GNAO1: variants seen among roughly 807,000 people sequenced by gnomAD.
GNAO1 encodes the protein G protein subunit alpha o1.
For synonymous variants in GNAO1, 164 were observed against 180.7 expected (o/e 0.91, Z 0.74); for missense variants, 166 against 478.7 (o/e 0.35, Z 6.10).
intron 4 of GNAO1, among the ~76,000 whole-genome samples, chr16:56,333,277 A>C (rs1292590142): frequency 6.7e-6 from 1 of 149,038 alleles, no homozygotes; most frequent in African/African-American, 2.5e-5. Flanking sequence ...CAGTGGCACG[A>C]TCTCAACTCA....
At chr16:56,279,420 A>C (rs1436304783) in intron 3 of GNAO1, among the ~76,000 whole-genome samples, 1 of 152,056 alleles carries the variant, frequency 6.6e-6, no homozygotes, top group Non-Finnish European at 1.5e-5. Context: ...TGTGGTTTCC[A>C]CACCCCAGGC....
intron 2 of GNAO1, chr16:56,194,632 C>CT (rs1308757691): frequency 5.6e-6 from 1 of 177,392 alleles, no homozygotes; most frequent in Non-Finnish European, 1.2e-5. Flanking sequence ...AGCCGAGCCG[C>CT]TTCGGAGGGG....
At chr16:56,348,070 A>G (rs113597396) in intron 6 of GNAO1, 20 of 963,026 alleles carry the variant, frequency 2.1e-5, no homozygotes, top group Middle Eastern at 5.3e-4. Context: ...TGCCCACCCC[A>G]TATTAACTGT....
At chr16:56,273,885 G>A (rs145492592) in intron 2 of GNAO1, among the ~76,000 whole-genome samples, 199 of 152,268 alleles carry the variant, frequency 1.3e-3, no homozygotes, top group Middle Eastern at 0.01. Context: ...TCTGGGAAGC[G>A]TTCAACTGAT....
chr16:56,206,186 G>A (rs367897833), intron 2 of GNAO1, among the ~76,000 whole-genome samples: 1 of 152,076 alleles, frequency 6.6e-6, no homozygotes. Flanking sequence ...TGGGCATGGT[G>A]GTGGGCGACT....
At chr16:56,240,348 G>C (rs1322181716) in intron 2 of GNAO1, among the ~76,000 whole-genome samples, 3 of 152,286 alleles carry the variant, frequency 2.0e-5, no homozygotes, top group Non-Finnish European at 4.4e-5. Context: ...TTAGTAGACT[G>C]TTATTGGGCA....
rs536609997 is a variant in GNAO1 at position 56,324,470 on chromosome 16, C to T, written c.304-4161C>T. Reference sequence around the variant, plus strand: ...GAAAACTCTTGCCAGGTCCACCACCCGCATTCCTCAGATGGGAAAGTACCC... The same window carrying T: ...GAAAACTCTTGCCAGGTCCACCACCTGCATTCCTCAGATGGGAAAGTACCC... On this transcript the variant is annotated intron_variant, in intron 3 of 8. Coordinates refer to ENST00000262493, the MANE Select transcript of GNAO1 (RefSeq NM_020988.3). Among the ~76,000 whole-genome samples, 4 of 152,346 alleles carry T rather than the reference C, an allele frequency of 2.6e-5. No homozygotes were observed. The South Asian group carries it at 8.3e-4, about 32-fold the overall frequency.
chr16:56,325,136 A>AACTCC (rs2037618699), intron 3 of GNAO1, among the ~76,000 whole-genome samples: 1 of 152,188 alleles, frequency 6.6e-6, no homozygotes, highest in African/African-American at 2.4e-5. Context: ...GCCTAATCAG[A>AACTCC]GGGTTGGGAG....
chr16:56,295,018 T>C (rs1596847824), intron 3 of GNAO1, among the ~76,000 whole-genome samples: 1 of 152,320 alleles, frequency 6.6e-6, no homozygotes, highest in East Asian at 1.9e-4. Context: ...ACAAGTTCCT[T>C]GTCAGTTATA....
At chr16:56,314,224 A>G (rs763991380) in intron 3 of GNAO1, among the ~76,000 whole-genome samples, 9 of 152,224 alleles carry the variant, frequency 5.9e-5, no homozygotes, top group Non-Finnish European at 1.2e-4. Context: ...ACAATTCTGC[A>G]TTTTCACTTG....
At chr16:56,316,462 T>C (rs1356223419) in intron 3 of GNAO1, among the ~76,000 whole-genome samples, 2 of 152,112 alleles carry the variant, frequency 1.3e-5, no homozygotes, top group African/African-American at 4.8e-5. Context: ...AAGTTTAACC[T>C]TCTAGGGCTG....
At chr16:56,214,913 T>G (rs1481775746) in intron 2 of GNAO1, among the ~76,000 whole-genome samples, 6 of 152,226 alleles carry the variant, frequency 3.9e-5, no homozygotes, top group African/African-American at 1.4e-4. Context: ...CTCAGCTGCC[T>G]TCTAGAAATG....
In GNAO1 at chr16:56,192,628, T is replaced by G. The variant is rs761912841; in HGVS notation, c.161+12T>G. On this transcript the variant is annotated intron_variant, in intron 2 of 8. Coordinates refer to ENST00000262493, the MANE Select transcript of GNAO1 (RefSeq NM_020988.3). ...GTGAAGCAGATGAAGTAAGTCCCTG[T>G]GGCATTGGGATTCGTACTTTTATTA... 3.9e-6 allele frequency: 6 copies of G among 1,532,080 alleles called. No homozygotes were observed. In the South Asian group the frequency reaches 5.6e-5, roughly 14 times the overall value. 94.9% of individuals were successfully genotyped at this position (1,532,080 alleles called of 1,614,324 possible).
chr16:56,192,492 CT>C (rs2036186104), intron 1 of GNAO1, 81 bp from the exon 2 acceptor site: 1 of 929,208 alleles, frequency 1.1e-6, no homozygotes, highest in Non-Finnish European at 1.8e-6. Context: ...CGCCCACCCC[CT>C]CGCATGCCTT....
rs1267416644 is a variant in GNAO1 at position 56,202,763 on chromosome 16, T to C, written c.161+10147T>C. On this transcript the variant is annotated intron_variant, in intron 2 of 8. Coordinates refer to ENST00000262493, the MANE Select transcript of GNAO1 (RefSeq NM_020988.3). ...GAGAAGAATTAAAAAGCAGCTGTGC[T>C]TATTTACTGGAGCACCAAAGACCAA... 2.6e-5 allele frequency among the ~76,000 whole-genome samples: 4 copies of C among 152,236 alleles called. No individual in the cohort carries two copies. In the East Asian group the frequency reaches 7.7e-4, roughly 29 times the overall value.
intron 6 of GNAO1, among the ~76,000 whole-genome samples, chr16:56,343,095 C>T (rs1462270099): frequency 1.3e-5 from 2 of 150,156 alleles, no homozygotes; most frequent in African/African-American, 4.9e-5. Context: ...AAGACTCCAT[C>T]TCCAAAAAAA....
chr16:56,331,921 C>T (rs1284599955), intron 4 of GNAO1, among the ~76,000 whole-genome samples: 1 of 152,120 alleles, frequency 6.6e-6, no homozygotes, highest in Non-Finnish European at 1.5e-5. Flanking sequence ...TCTGTGTGCT[C>T]CTCCCTCCCT....
intron 3 of GNAO1, among the ~76,000 whole-genome samples, chr16:56,283,264 G>A (rs1381848115): frequency 5.9e-5 from 9 of 152,140 alleles, no homozygotes; most frequent in Admixed American, 5.2e-4. Context: ...CAGGGTGTGG[G>A]GGGCAGCACG....
At chr16:56,259,921 A>G (rs1489799422) in intron 2 of GNAO1, among the ~76,000 whole-genome samples, 1 of 152,198 alleles carries the variant, frequency 6.6e-6, no homozygotes, top group Non-Finnish European at 1.5e-5. Flanking sequence ...GCCTGAAGTC[A>G]TCAGTATTCC....
Sources: gnomAD v4.1 joint callset for allele counts (sites outside exome capture counted in the v4.1 genomes callset) on GRCh38, gnomAD v4.1.1 for gene constraint, MANE v1.5 for transcripts, NCBI Gene and HGNC (gene_info 2026-07-23, HGNC 2026-07-21) for gene names.